Variants in OTUD5 observed in about 807,000 individuals in gnomAD.
OTUD5 encodes the protein OTU deubiquitinase 5, also known as OTU domain-containing protein 5.
OTUD5 carries 2 observed loss-of-function variants against 36.3 expected under a neutral mutation model. That is an observed-to-expected ratio of 0.06 (90% CI 0.02 to 0.17). The LOEUF is 0.17. Among genes scored for constraint, OTUD5 ranks in the 10% least tolerant of loss-of-function variants. The pLI, the probability that OTUD5 is intolerant of heterozygous loss-of-function variation, is 1.00. For missense variants in OTUD5, 233 were observed against 512.3 expected (o/e 0.45, Z 5.26); for synonymous variants, 234 against 214.9 (o/e 1.09, Z -0.78).
At chrX:48,955,753 G>A (rs781799179) in intron 1 of OTUD5, among the ~76,000 whole-genome samples, 3 of 111,229 alleles carry the variant, frequency 2.7e-5, no homozygotes, top group Non-Finnish European at 5.7e-5. Context: ...GTTACAGAGG[G>A]GAAAATGGGA....
intron 5 of OTUD5, among the ~76,000 whole-genome samples, chrX:48,932,161 G>GCTA (rs2063764299): frequency 1.1e-5 from 1 of 88,822 alleles, no homozygotes; most frequent in African/African-American, 4.1e-5. Flanking sequence ...AAAAAAAGAT[G>GCTA]ATAATAATAA....
At chrX:48,941,200 A>G (rs781790974) in intron 2 of OTUD5, among the ~76,000 whole-genome samples, 1 of 110,680 alleles carries the variant, frequency 9.0e-6, no homozygotes, top group Non-Finnish European at 1.9e-5. Flanking sequence ...TGGGAGGCCA[A>G]AGCGGGTGGA....
At chrX:48,951,551 G>C (rs950202802) in intron 1 of OTUD5, among the ~76,000 whole-genome samples, 24 of 111,023 alleles carry the variant, frequency 2.2e-4, no homozygotes, top group Non-Finnish European at 3.4e-4. Context: ...GGAGGTGGAG[G>C]TTGCAGTGAG....
At chrX:48,955,329 TTA>T (rs1346865771) in intron 1 of OTUD5, among the ~76,000 whole-genome samples, 3 of 111,244 alleles carry the variant, frequency 2.7e-5, no homozygotes, top group Non-Finnish European at 3.8e-5. Flanking sequence ...CACACCTGAG[TTA>T]TGATTCAAAC....
intron 5 of OTUD5, among the ~76,000 whole-genome samples, chrX:48,930,574 G>A (rs2063735965): frequency 8.9e-6 from 1 of 112,203 alleles, no homozygotes. Flanking sequence ...GGGCCTAGAA[G>A]CATGGACAAC....
chrX:48,950,080 C>T (rs782717199), intron 1 of OTUD5, among the ~76,000 whole-genome samples: 1 of 94,819 alleles, frequency 1.1e-5, no homozygotes, highest in African/African-American at 4.1e-5. Context: ...ACCCAGGAGG[C>T]GGAGGTTGCG....
At chrX:48,950,847 C>A (rs1463331249) in intron 1 of OTUD5, among the ~76,000 whole-genome samples, 2 of 110,452 alleles carry the variant, frequency 1.8e-5, no homozygotes, top group Admixed American at 1.9e-4. Flanking sequence ...CAGGGGTGAG[C>A]CACCGCACCC....
At position 48,957,283 on chromosome X, in the gene OTUD5, T is replaced by C. The variant is rs781938283; in HGVS notation, c.288A>G (p.Gln96=). ...CCCCGCAAGGAGGTGGAGAAGCCTG[T>C]TGTGGCCGGGGACCCGCCACTGCAC... ...PPGAVAGPRP[Q]QASPPPCGGP... The change falls in exon 1 of 9, where the codon CAA becomes CAG. Residue 96 remains glutamine (Q), a synonymous_variant. Coordinates refer to ENST00000376488, the MANE Select transcript of OTUD5 (RefSeq NM_001136157.2). The C allele has an allele frequency of 1.2e-5, 13 of 1,112,119 alleles. No individual in the cohort carries two copies. In the South Asian group the frequency reaches 1.7e-4, roughly 14 times the overall value. The allele number at this position is 1,112,119 out of a possible 1,213,427, so 91.7% of individuals were successfully genotyped here.
At chrX:48,935,498 G>GA (rs1292382006) in intron 2 of OTUD5, among the ~76,000 whole-genome samples, 2 of 108,127 alleles carry the variant, frequency 1.8e-5, no homozygotes, top group Non-Finnish European at 3.8e-5. Flanking sequence ...TTTGTAGGCT[G>GA]AAAAAAAAGG....
chrX:48,952,623 G>A (rs2064167039), intron 1 of OTUD5, among the ~76,000 whole-genome samples: 1 of 112,194 alleles, frequency 8.9e-6, no homozygotes, highest in Non-Finnish European at 1.9e-5. Flanking sequence ...AGTGGGAGCA[G>A]GGAGGAGACT....
At chrX:48,928,826 C>A (rs868941891) in intron 5 of OTUD5, among the ~76,000 whole-genome samples, 235 of 63,407 alleles carry the variant, frequency 3.7e-3, no homozygotes, top group South Asian at 6.6e-3. Context: ...TACACTGTCT[C>A]AAAAAAAAAA....
Position 48,934,620 on chromosome X carries a change from G to C in OTUD5, c.911-8C>G. Reference sequence around the variant, plus strand: ...GGAATGTGTTGATGGGTTCTGCAGAGAAAGAGAAGGAGGGAGCATCCACAG... The same window carrying C: ...GGAATGTGTTGATGGGTTCTGCAGACAAAGAGAAGGAGGGAGCATCCACAG... On this transcript the variant is annotated splice_polypyrimidine_tract_variant and splice_region_variant and intron_variant, in intron 4 of 8. Transcript: ENST00000376488. The C allele has an allele frequency of 8.3e-7, 1 of 1,210,587 alleles. No homozygotes were observed. Among genetic ancestry groups the C allele is most frequent in the Non-Finnish European group, 1.1e-6 (1 of 894,754 alleles).
chrX:48,942,887 A>C (rs1488754320), intron 2 of OTUD5, among the ~76,000 whole-genome samples: 1 of 110,736 alleles, frequency 9.0e-6, no homozygotes, highest in Non-Finnish European at 1.9e-5. Context: ...ACAGATGAGG[A>C]AACAGCCTCA....
chrX:48,944,755 G>T (rs782348910), intron 1 of OTUD5, among the ~76,000 whole-genome samples: 3 of 112,552 alleles, frequency 2.7e-5, no homozygotes, highest in Non-Finnish European at 5.6e-5. Context: ...GGGCATGGTG[G>T]CTCACACCTG....
Position 48,957,525 on chromosome X carries a change from G to T in OTUD5, c.46C>A (p.Pro16Thr), listed in dbSNP as rs2064273060. The change falls in exon 1 of 9, where the codon CCC becomes ACC. Residue 16 changes from proline (P) to threonine (T), a missense_variant. Coordinates refer to ENST00000376488, the MANE Select transcript of OTUD5 (RefSeq NM_001136157.2). ...CCGGGCGGCGGCGGCTCGTTGGCGG[G>T]GTCGGCGTCGGGAGGCGGCGGCTTC... Reference protein sequence around the residue: ...KKKPPPPDADPANEPPPPGPM... With the variant: ...KKKPPPPDADTANEPPPPGPM... The T allele has an allele frequency of 1.2e-6, 1 of 832,048 alleles. No individual in the cohort carries two copies. The allele number at this position is 832,048 out of a possible 1,213,427, so 68.6% of individuals were successfully genotyped here. A position where few individuals can be genotyped will look rare whatever the true frequency, so the allele number is the denominator to read the frequency against.
chrX:48,944,137 G>A (rs2063981608), intron 2 of OTUD5, 53 bp downstream of exon 2: 54 of 882,604 alleles, frequency 6.1e-5, no homozygotes, highest in Non-Finnish European at 8.8e-5. Context: ...CTGATAACTG[G>A]GACACAGCTT....
intron 1 of OTUD5, among the ~76,000 whole-genome samples, chrX:48,955,802 G>T (rs948090802): frequency 6.3e-5 from 7 of 111,222 alleles, no homozygotes; most frequent in African/African-American, 2.3e-4. Flanking sequence ...CCTTATAATT[G>T]GGGTAAAAGG....
At chrX:48,950,150 A>AG (rs1350741176) in intron 1 of OTUD5, among the ~76,000 whole-genome samples, 1 of 110,401 alleles carries the variant, frequency 9.1e-6, no homozygotes, top group African/African-American at 3.3e-5. Flanking sequence ...AAAAAAAAAA[A>AG]AGAGAAGAGA....
chrX:48,949,683 CAAAT>C (rs1296676410), intron 1 of OTUD5, among the ~76,000 whole-genome samples: 1 of 108,297 alleles, frequency 9.2e-6, no homozygotes, highest in Non-Finnish European at 1.9e-5. Context: ...ATCTCAAAAA[CAAAT>C]AAATAAACAC....
Sources: gnomAD v4.1 joint callset for allele counts (sites outside exome capture counted in the v4.1 genomes callset) on GRCh38, gnomAD v4.1.1 for gene constraint, MANE v1.5 for transcripts, NCBI Gene and HGNC (gene_info 2026-07-23, HGNC 2026-07-21) for gene names.